ZMAT4: variants seen among roughly 807,000 people sequenced by gnomAD.
The protein encoded by ZMAT4 is zinc finger matrin-type protein 4.
A neutral mutation model predicts 28.7 loss-of-function variants in ZMAT4; 17 were observed. The observed-to-expected ratio is 0.59, with a 90% confidence interval of 0.41 to 0.89. The LOEUF (loss-of-function observed/expected upper bound fraction) is 0.89, where lower values mean the gene tolerates loss of function less well. Among genes scored for constraint, ZMAT4 ranks in the 40% least tolerant of loss-of-function variants. The probability of loss-of-function intolerance (pLI) is 0.00; values close to 1 mark genes in which losing one functional copy is unlikely to be tolerated. For synonymous variants in ZMAT4, 117 were observed against 109.2 expected (o/e 1.07, Z -0.44); for missense variants, 240 against 283.8 (o/e 0.85, Z 1.11).
At chr8:40,625,078 A>G (rs986894016) in intron 5 of ZMAT4, among the ~76,000 whole-genome samples, 8 of 152,186 alleles carry the variant, frequency 5.3e-5, no homozygotes, top group African/African-American at 1.9e-4. Context: ...CAACCTGAAC[A>G]ATGAGCGGGT....
At chr8:40,823,251 A>G (rs966569355) in intron 2 of ZMAT4, among the ~76,000 whole-genome samples, 1 of 152,178 alleles carries the variant, frequency 6.6e-6, no homozygotes, top group African/African-American at 2.4e-5. Flanking sequence ...TAAGATGATT[A>G]CAAATGAACA....
chr8:40,766,372 A>C (rs1813160408), intron 3 of ZMAT4, among the ~76,000 whole-genome samples: 1 of 152,158 alleles, frequency 6.6e-6, no homozygotes, highest in Non-Finnish European at 1.5e-5. Flanking sequence ...TACGCCTCCT[A>C]TCTACCACTT....
chr8:40,790,159 C>T (rs932897998), intron 2 of ZMAT4, among the ~76,000 whole-genome samples: 44 of 152,262 alleles, frequency 2.9e-4, no homozygotes, highest in African/African-American at 6.5e-4. Context: ...TGAATAAATA[C>T]GCTTTGTTTG....
chr8:40,863,221 G>A (rs1487057747), intron 1 of ZMAT4, among the ~76,000 whole-genome samples: 1 of 152,074 alleles, frequency 6.6e-6, no homozygotes, highest in South Asian at 2.1e-4. Context: ...GCTTTAAGTA[G>A]GGGAGTGAGG....
At chr8:40,674,456 G>C (rs1467436594) in intron 5 of ZMAT4, 1 of 461,292 alleles carries the variant, frequency 2.2e-6, no homozygotes, top group Admixed American at 3.6e-5. Context: ...TCTGGTTCAT[G>C]AATGTGCCTT....
intron 1 of ZMAT4, among the ~76,000 whole-genome samples, chr8:40,869,091 T>C (rs1316322855): frequency 6.6e-6 from 1 of 152,230 alleles, no homozygotes; most frequent in African/African-American, 2.4e-5. Flanking sequence ...ACATTTCCCA[T>C]GTCTGGGCTT....
intron 5 of ZMAT4, among the ~76,000 whole-genome samples, chr8:40,604,152 C>T (rs1805499229): frequency 6.6e-6 from 1 of 152,086 alleles, no homozygotes; most frequent in Non-Finnish European, 1.5e-5. Flanking sequence ...GTATACAATC[C>T]TATCGTCAGT....
At chr8:40,817,833 G>A (rs527762217) in intron 2 of ZMAT4, among the ~76,000 whole-genome samples, 45 of 152,288 alleles carry the variant, frequency 3.0e-4, no homozygotes, top group Admixed American at 2.0e-3. Context: ...ATAGTTGGTG[G>A]CCAGAAGGGC....
intron 2 of ZMAT4, among the ~76,000 whole-genome samples, chr8:40,788,776 A>T (rs1429489658): frequency 9.4e-6 from 1 of 106,782 alleles, no homozygotes; most frequent in African/African-American, 2.8e-5. Context: ...AGGAAAAAAA[A>T]AAACACAAAC....
At chr8:40,750,122 C>A (rs1812394773) in intron 3 of ZMAT4, among the ~76,000 whole-genome samples, 1 of 152,176 alleles carries the variant, frequency 6.6e-6, no homozygotes, top group Non-Finnish European at 1.5e-5. Flanking sequence ...GCATGACCTG[C>A]ACCAAATCCA....
At chr8:40,535,159 G>T (rs957420399) in intron 6 of ZMAT4, among the ~76,000 whole-genome samples, 1 of 152,134 alleles carries the variant, frequency 6.6e-6, no homozygotes, top group Admixed American at 6.5e-5. Context: ...GTGATGTTCA[G>T]CCCCTATTGA....
intron 4 of ZMAT4, among the ~76,000 whole-genome samples, chr8:40,690,087 AG>A (rs1329438630): frequency 6.6e-6 from 1 of 152,184 alleles, no homozygotes; most frequent in African/African-American, 2.4e-5. Flanking sequence ...CATTGCCCCA[AG>A]CTTGCTATGA....
At chr8:40,608,346 G>GA (rs1805674646) in intron 5 of ZMAT4, among the ~76,000 whole-genome samples, 1 of 152,112 alleles carries the variant, frequency 6.6e-6, no homozygotes, top group Non-Finnish European at 1.5e-5. Context: ...TAGGTCAATG[G>GA]AAAATGGGGG....
intron 3 of ZMAT4, among the ~76,000 whole-genome samples, chr8:40,743,556 A>C (rs560517770): frequency 4.6e-5 from 7 of 152,252 alleles, no homozygotes; most frequent in Non-Finnish European, 8.8e-5. Context: ...CTGAGTGCCT[A>C]CAACGCACAA....
chr8:40,832,445 G>A (rs539948082), intron 1 of ZMAT4, among the ~76,000 whole-genome samples: 2 of 152,162 alleles, frequency 1.3e-5, no homozygotes, highest in Admixed American at 1.3e-4. Flanking sequence ...CTCCAACGTG[G>A]CCTGACACCT....
intron 3 of ZMAT4, among the ~76,000 whole-genome samples, chr8:40,715,478 G>T (rs1317208877): frequency 6.6e-6 from 1 of 152,128 alleles, no homozygotes; most frequent in Admixed American, 6.5e-5. Flanking sequence ...TATTAAAAAG[G>T]TGATATATAT....
At chr8:40,604,856 C>T (rs1229063863) in intron 5 of ZMAT4, among the ~76,000 whole-genome samples, 1 of 152,122 alleles carries the variant, frequency 6.6e-6, no homozygotes, top group East Asian at 1.9e-4. Context: ...TGGTCTTGGA[C>T]ATATCTTTGT....
intron 5 of ZMAT4, among the ~76,000 whole-genome samples, chr8:40,607,117 C>CTTTTTT (rs71544299): frequency 2.6e-3 from 171 of 65,710 alleles, no homozygotes; most frequent in Admixed American, 3.8e-3. Context: ...TATCTTGTAT[C>CTTTTTT]TTTTTTTTTT....
intron 2 of ZMAT4, among the ~76,000 whole-genome samples, chr8:40,797,105 A>C (rs1586067173): frequency 6.6e-6 from 1 of 152,020 alleles, no homozygotes; most frequent in African/African-American, 2.4e-5. Context: ...TGTGCCATCC[A>C]CCTGGAGTGT....
Sources: allele counts gnomAD v4.1 joint callset (sites outside exome capture counted in the v4.1 genomes callset), GRCh38; gene constraint gnomAD v4.1.1; transcripts MANE v1.5; gene names NCBI Gene and HGNC (gene_info 2026-07-23, HGNC 2026-07-21).